FAM83B: variants seen among roughly 807,000 people sequenced by gnomAD.
FAM83B encodes scaffolding CK1 anchoring protein B.
Under a neutral mutation model 38.8 loss-of-function variants are expected in FAM83B, and 26 were observed. The ratio of observed to expected loss-of-function variants is 0.67; its 90% confidence interval spans 0.49 to 0.93. The LOEUF (loss-of-function observed/expected upper bound fraction) is 0.93, where lower values mean the gene tolerates loss of function less well. FAM83B is among the 40% of genes least tolerant of loss of function. The pLI, the probability that FAM83B is intolerant of heterozygous loss-of-function variation, is 0.00. For missense variants in FAM83B, 1,237 were observed against 1,197.3 expected (o/e 1.03, Z -0.49); for synonymous variants, 419 against 423.1 (o/e 0.99, Z 0.12).
At chr6:54,860,053 G>A (rs1261391696) in intron 1 of FAM83B, among the ~76,000 whole-genome samples, 1 of 152,040 alleles carries the variant, frequency 6.6e-6, no homozygotes, top group East Asian at 1.9e-4. Context: ...TTGTGTGTGT[G>A]TGTGTGTGTG....
At chr6:54,927,667 T>C in intron 4 of FAM83B, 35 bp downstream of exon 4, 1 of 1,405,192 alleles carries the variant, frequency 7.1e-7, no homozygotes, top group Non-Finnish European at 9.4e-7. Flanking sequence ...GTGTTATCAA[T>C]CGTTTTGATG....
intron 1 of FAM83B, among the ~76,000 whole-genome samples, chr6:54,862,858 T>G (rs1771617191): frequency 6.7e-6 from 1 of 149,032 alleles, no homozygotes; most frequent in South Asian, 2.2e-4. Context: ...CACTCCAGGC[T>G]GGGTGCAAAA....
At chr6:54,915,662 C>T (rs1773017931) in intron 2 of FAM83B, among the ~76,000 whole-genome samples, 2 of 127,332 alleles carry the variant, frequency 1.6e-5, no homozygotes, top group African/African-American at 7.4e-5. Flanking sequence ...AAAAATTAGC[C>T]GGGCGCGGTG....
chr6:54,888,506 A>G (rs954029343), intron 2 of FAM83B, among the ~76,000 whole-genome samples: 32 of 151,998 alleles, frequency 2.1e-4, no homozygotes, highest in African/African-American at 5.8e-4. Flanking sequence ...GATAATTTAT[A>G]CCTGGTATGG....
At position 54,927,524 on chromosome 6, in the gene FAM83B, C is replaced by A; in HGVS notation, c.626C>A (p.Thr209Lys). The A allele has an allele frequency of 6.2e-7, 1 of 1,601,002 alleles. No homozygotes were observed. The highest frequency in any genetic ancestry group is 8.5e-7 in the Non-Finnish European group (1 of 1,172,412). ...TAATTCTAGAATATTCGAGTGCGAA[C>A]AGTAAAAGGCCAAGATTATCTTTCA... Reference protein sequence around the residue: ...VQRLRNIRVRTVKGQDYLSKT... With the variant: ...VQRLRNIRVRKVKGQDYLSKT... Residue 209 changes from threonine to lysine, a missense_variant, in exon 4 of 5, where the codon ACA becomes AAA. By Grantham distance (78) the Thr-to-Lys change is moderately conservative. Transcript: ENST00000306858.
chr6:54,941,586 C>T lies in FAM83B; in HGVS notation c.2615C>T (p.Pro872Leu). The T allele has an allele frequency of 6.2e-7, 1 of 1,614,072 alleles. No homozygotes were observed. The highest frequency in any genetic ancestry group is 8.5e-7 in the Non-Finnish European group (1 of 1,180,014). Residue 872 changes from proline to leucine, a missense_variant, in exon 5 of 5, where the codon CCA (proline) becomes CTA (leucine). Pro to Leu is a moderately conservative substitution (Grantham distance 98). Coordinates refer to ENST00000306858, the MANE Select transcript of FAM83B (RefSeq NM_001010872.3). ...AATAAAAGAACACCTTCTCCAGGTCCAGTTGAAAGCAAGTTCTTGGAAAGG... is the reference window on the plus strand; with the variant it reads ...AATAAAAGAACACCTTCTCCAGGTCTAGTTGAAAGCAAGTTCTTGGAAAGG... ...DENKRTPSPG[P>L]VESKFLERAG...
chr6:54,870,067 T>C, intron 1 of FAM83B, 120 bp from the exon 2 acceptor site: 1 of 563,948 alleles, frequency 1.8e-6, no homozygotes, highest in Non-Finnish European at 3.1e-6. Context: ...GAAATATGTG[T>C]CATTTTGAGC....
chr6:54,899,470 A>G (rs1407992344), intron 2 of FAM83B, among the ~76,000 whole-genome samples: 1 of 152,144 alleles, frequency 6.6e-6, no homozygotes, highest in African/African-American at 2.4e-5. Context: ...CAGTGTCTTC[A>G]TCTGTTCAGG....
intron 2 of FAM83B, among the ~76,000 whole-genome samples, chr6:54,891,401 GTTTC>G (rs1201686601): frequency 6.6e-6 from 1 of 152,062 alleles, no homozygotes; most frequent in African/African-American, 2.4e-5. Flanking sequence ...TTCAACTGTT[GTTTC>G]TTGATTTTCT....
chr6:54,898,260 C>A (rs1772582930), intron 2 of FAM83B, among the ~76,000 whole-genome samples: 2 of 152,108 alleles, frequency 1.3e-5, no homozygotes, highest in South Asian at 4.1e-4. Context: ...CTTCTCCGTC[C>A]AATATGTCTC....
intron 2 of FAM83B, among the ~76,000 whole-genome samples, chr6:54,872,656 A>G (rs2127575824): frequency 6.6e-6 from 1 of 152,310 alleles, no homozygotes. Context: ...AACATTAGTC[A>G]TGATCTTTTG....
chr6:54,894,491 T>C (rs1161029613), intron 2 of FAM83B, among the ~76,000 whole-genome samples: 1 of 152,184 alleles, frequency 6.6e-6, no homozygotes, highest in African/African-American at 2.4e-5. Context: ...ACTCATGCCA[T>C]ACAAAATGTA....
At chr6:54,939,159 T>A (rs1277888559) in intron 4 of FAM83B, among the ~76,000 whole-genome samples, 1 of 152,140 alleles carries the variant, frequency 6.6e-6, no homozygotes, top group Non-Finnish European at 1.5e-5. Flanking sequence ...TTGTTGAAGA[T>A]CAGTTGGCTG....
At chr6:54,887,916 T>C (rs926618098) in intron 2 of FAM83B, among the ~76,000 whole-genome samples, 3 of 151,682 alleles carry the variant, frequency 2.0e-5, no homozygotes, top group African/African-American at 7.2e-5. Flanking sequence ...TTTTAAAAAT[T>C]AACTTTAACC....
intron 2 of FAM83B, among the ~76,000 whole-genome samples, chr6:54,874,773 T>C (rs777404611): frequency 5.9e-5 from 9 of 152,140 alleles, no homozygotes; most frequent in Non-Finnish European, 1.2e-4. Flanking sequence ...TCTTGTGAAA[T>C]ATGGGATCAA....
chr6:54,941,977 G>C lies in FAM83B; in HGVS notation c.3006G>C (p.Lys1002Asn). Residue 1002 changes from lysine (K) to asparagine (N), a missense_variant, in exon 5 of 5, where the codon AAG becomes AAC. Physicochemically the swap from Lys to Asn is moderately conservative, Grantham distance 94. Coordinates refer to ENST00000306858, the MANE Select transcript of FAM83B (RefSeq NM_001010872.3). The stretch of plus-strand genomic sequence containing the variant: ...ACAAGTTTCGAGGATTTATGCAAAA[G>C]TTTGGAAACTTTATACACAAAAATA... Reference protein sequence around the residue: ...NENKFRGFMQKFGNFIHKNK With the variant: ...NENKFRGFMQNFGNFIHKNK 1 of 1,604,510 alleles carries C rather than the reference G, an allele frequency of 6.2e-7. No homozygotes were observed. The highest frequency in any genetic ancestry group is 8.5e-7 in the Non-Finnish European group (1 of 1,176,308).
At chr6:54,898,683 T>C (rs1384388281) in intron 2 of FAM83B, among the ~76,000 whole-genome samples, 1 of 152,200 alleles carries the variant, frequency 6.6e-6, no homozygotes, top group Non-Finnish European at 1.5e-5. Flanking sequence ...ATTGAAGTTA[T>C]GTTTTAACTC....
At chr6:54,869,145 G>C (rs1399409902) in intron 1 of FAM83B, among the ~76,000 whole-genome samples, 1 of 152,132 alleles carries the variant, frequency 6.6e-6, no homozygotes, top group African/African-American at 2.4e-5. Context: ...GCCTGCATAG[G>C]CAGATTTTGA....
In FAM83B at chr6:54,899,250, A is replaced by G. The variant is rs139624525; in HGVS notation, c.445-27121A>G. 2.6e-5 allele frequency among the ~76,000 whole-genome samples: 4 copies of G among 152,324 alleles called. No homozygotes were observed. The East Asian group carries it at 7.7e-4, about 29-fold the overall frequency. ...CTATTATTTTTGAAGGGTGTTACAT[A>G]TAACACTTGGGTGCATGGGAGAATC... On this transcript the variant is annotated intron_variant, in intron 2 of 4. Transcript: ENST00000306858.
Sources: gnomAD v4.1 joint callset for allele counts (sites outside exome capture counted in the v4.1 genomes callset) on GRCh38, gnomAD v4.1.1 for gene constraint, MANE v1.5 for transcripts, NCBI Gene and HGNC (gene_info 2026-07-23, HGNC 2026-07-21) for gene names.